Variants in CAPN15 observed in about 807,000 individuals in gnomAD.
The protein encoded by CAPN15 is calpain 15.
A neutral mutation model predicts 97.9 loss-of-function variants in CAPN15; 53 were observed. The observed-to-expected ratio is 0.54, with a 90% CI of 0.43 to 0.68. CAPN15 has a LOEUF of 0.68. Ranked by LOEUF, CAPN15 falls within the 30% of genes least tolerant of loss-of-function variation. The probability of loss-of-function intolerance (pLI) is 0.00; values close to 1 mark genes in which losing one functional copy is unlikely to be tolerated. For synonymous variants in CAPN15, 922 were observed against 722.5 expected (o/e 1.28, Z -4.43); for missense variants, 1,592 against 1,589.8 (o/e 1.00, Z -0.02).
Position 552,595 on chromosome 16 carries a change from G to T in CAPN15, c.2738-10G>T. 2 of 1,543,448 alleles carry T rather than the reference G, an allele frequency of 1.3e-6. No individual in the cohort carries two copies. The highest frequency in any genetic ancestry group is 8.7e-7 in the Non-Finnish European group (1 of 1,147,582). ...GGGGAGGGCTGCGGTTCACACGCCCGTCCTTGTAGCCTCCAGCCCCTCGGC... is the reference window on the plus strand; with the variant it reads ...GGGGAGGGCTGCGGTTCACACGCCCTTCCTTGTAGCCTCCAGCCCCTCGGC... On this transcript the variant is annotated splice_polypyrimidine_tract_variant and intron_variant, in intron 11 of 13. Transcript: ENST00000219611. The surrounding 1 kb of genome is among the most constrained non-coding windows in gnomAD (Gnocchi z 6.4).
chr16:548,560 C>G (rs530725068), intron 4 of CAPN15, among the ~76,000 whole-genome samples: 3 of 152,382 alleles, frequency 2.0e-5, no homozygotes, highest in Admixed American at 1.3e-4. Context: ...CGAGCCCCGT[C>G]TGATGTGCCG....
chr16:543,540 C>G (rs1179207340), intron 3 of CAPN15, among the ~76,000 whole-genome samples: 1 of 152,180 alleles, frequency 6.6e-6, no homozygotes, highest in East Asian at 1.9e-4. Flanking sequence ...TGGCCCTCCC[C>G]TGGGTCGGCA....
At chr16:538,802 T>C (rs1416552301) in intron 3 of CAPN15, 2 of 152,082 alleles carry the variant, frequency 1.3e-5, no homozygotes, top group Non-Finnish European at 2.9e-5. Flanking sequence ...GAGCACTGAC[T>C]GGAAAGGCCC....
At chr16:543,717 C>T (rs2034318532) in intron 3 of CAPN15, among the ~76,000 whole-genome samples, 1 of 152,190 alleles carries the variant, frequency 6.6e-6, no homozygotes, top group Non-Finnish European at 1.5e-5. Flanking sequence ...GCTGGGCCTC[C>T]ACACGCGGAG....
rs199921802 is a variant in CAPN15, at chr16:547,257, C to T, written c.419C>T (p.Ala140Val). Residue 140 changes from alanine to valine, a missense_variant, in exon 4 of 14, where the codon GCG becomes GTG. This residue lies in a region of CAPN15 where 883 missense variants were observed against 776.6 expected (regional missense o/e 1.14). Transcript: ENST00000219611. The stretch of plus-strand genomic sequence containing the variant: ...GAGGAGCAGGAGGAGGAGGAGGGAG[C>T]GGCGGAGCCCAGAGGGGGCTGGGCG... ...EKEEQEEEEG[A>V]AEPRGGWACP... 4.3e-4 allele frequency: 642 copies of T among 1,508,674 alleles called. 3 individuals are homozygous for T. The African/African-American group carries it at 7.8e-3, about 18-fold the overall frequency. The allele number at this position is 1,508,674 out of a possible 1,614,324, so 93.5% of individuals were successfully genotyped here.
In CAPN15 at chr16:548,062, C is replaced by A; in HGVS notation, c.1224C>A (p.Val408=). 6.5e-7 allele frequency: 1 copy of A among 1,546,412 alleles called. No individual in the cohort carries two copies. Among genetic ancestry groups the A allele is most frequent in the Non-Finnish European group, 8.7e-7 (1 of 1,146,758 alleles). The part of the protein sequence containing the change: ...RVSSAQKAAR[V]LPERPGQWAC... ...CCTCGGCCCAGAAGGCCGCCCGCGT[C>A]CTGCCCGAGCGCCCGGGCCAGTGGG... The change falls in exon 4 of 14, where the codon GTC becomes GTA. Residue 408 remains valine, a synonymous_variant. Coordinates refer to ENST00000219611, the MANE Select transcript of CAPN15 (RefSeq NM_005632.3).
At chr16:530,337 G>A (rs2033163147) in intron 1 of CAPN15, among the ~76,000 whole-genome samples, 1 of 152,222 alleles carries the variant, frequency 6.6e-6, no homozygotes, top group South Asian at 2.1e-4. Context: ...CGCAGAGCAG[G>A]CGGTCAGTGA....
chr16:534,125 C>T (rs2033476814), intron 2 of CAPN15, 127 bp downstream of exon 2: 2 of 165,624 alleles, frequency 1.2e-5, no homozygotes, highest in African/African-American at 2.5e-4. Context: ...TCACAGAACC[C>T]CTGGAGGCCG....
chr16:529,595 A>G (rs1185281966), intron 1 of CAPN15, among the ~76,000 whole-genome samples: 1 of 152,224 alleles, frequency 6.6e-6, no homozygotes, highest in Non-Finnish European at 1.5e-5. Flanking sequence ...GGTGTTGTTC[A>G]TGGGCCTGAG....
rs2035206648 is a variant in CAPN15, at chr16:552,941, A to G, written c.2983A>G (p.Lys995Glu). The change falls in exon 13 of 14, where the codon AAG (lysine) becomes GAG (glutamate). Residue 995 changes from lysine to glutamate, a missense_variant. By Grantham distance (56) the Lys-to-Glu change is moderately conservative. Transcript: ENST00000219611. This position sits in a 1 kb window ranked among gnomAD's most constrained non-coding sequence, Gnocchi z 6.4. ...LIVVVENRHP[K>E]AYLHVQCDCT... is the part of the protein sequence containing the mutation. ...CGTGGTGGTGGAGAACCGACACCCC[A>G]AGGCCTACCTGCACGTGCAGTGTGA... The G allele has an allele frequency of 6.2e-7, 1 of 1,611,612 alleles. No individual in the cohort carries two copies. Among genetic ancestry groups the G allele is most frequent in the Admixed American group, 1.7e-5 (1 of 59,924 alleles).
intron 3 of CAPN15, among the ~76,000 whole-genome samples, chr16:543,063 C>T (rs1015950946): frequency 2.6e-5 from 4 of 151,904 alleles, no homozygotes; most frequent in African/African-American, 9.7e-5. Context: ...AATAAAAATA[C>T]AAACCCTGAG....
In CAPN15 at chr16:540,216, C is replaced by T. The variant is rs531343554; in HGVS notation, c.-23+4074C>T. 107 of 985,494 alleles carry T rather than the reference C, an allele frequency of 1.1e-4. No homozygotes were observed. The African/African-American group carries it at 1.6e-3, about 14-fold the overall frequency. 61.0% of individuals were successfully genotyped at this position (985,494 alleles called of 1,614,324 possible). ...TGGGGAGCTCCGCCTCCTCCCTGGC[C>T]GCAGAGACCGAGTCGGACCACAGCT... is the stretch of plus-strand genomic sequence containing the variant. On this transcript the variant is annotated intron_variant, in intron 3 of 13. Transcript: ENST00000219611.
rs779926004 is a variant in CAPN15 at position 546,836 on chromosome 16, T to C, written c.-3T>C. 5 of 1,598,472 alleles carry C rather than the reference T, an allele frequency of 3.1e-6. No individual in the cohort carries two copies. In the South Asian group the frequency reaches 3.3e-5, roughly 11 times the overall value. On this transcript the variant is annotated 5_prime_UTR_variant, in exon 4 of 14. Coordinates refer to ENST00000219611, the MANE Select transcript of CAPN15 (RefSeq NM_005632.3). ...TTGCAGCCACACCCACTCGCCCGGG[T>C]CTATGGCCACGGTCGGAGAGTGGTC... is the stretch of plus-strand genomic sequence containing the variant.
At chr16:551,899 C>G in intron 9 of CAPN15, 152 bp from the exon 10 acceptor site, 1 of 1,008,870 alleles carries the variant, frequency 9.9e-7, no homozygotes, top group Non-Finnish European at 1.5e-6. Flanking sequence ...TTATAGGCCT[C>G]AGGGATGGGC....
rs1191080719 is a variant in CAPN15 at position 553,991 on chromosome 16, C to T, written c.*475C>T. 1.6e-5 allele frequency: 3 copies of T among 183,928 alleles called. No individual in the cohort carries two copies. Among genetic ancestry groups the T allele is most frequent in the South Asian group, 2.7e-4 (2 of 7,404 alleles). The allele number at this position is 183,928 out of a possible 1,614,324, so 11.4% of individuals were successfully genotyped here. On this transcript the variant is annotated 3_prime_UTR_variant, in exon 14 of 14. Coordinates refer to ENST00000219611, the MANE Select transcript of CAPN15 (RefSeq NM_005632.3). ...GGGTCCCTGTCCCCCACAGGGCAGG[C>T]GGGGTCCCTGGAGCCCTGGTGTGGA...
chr16:542,794 C>T (rs981375221), intron 3 of CAPN15, among the ~76,000 whole-genome samples: 3 of 152,142 alleles, frequency 2.0e-5, no homozygotes, highest in African/African-American at 7.2e-5. Flanking sequence ...TAGCTCACGC[C>T]TGTAATCCCA....
chr16:550,882 T>C (rs1268321063), intron 7 of CAPN15, among the ~76,000 whole-genome samples: 2 of 101,200 alleles, frequency 2.0e-5, no homozygotes, highest in Admixed American at 1.0e-4. Context: ...GGGTCCCCTG[T>C]CGGTGAGGTC....
Position 549,641 on chromosome 16 carries a change from C to A in CAPN15, c.1869C>A (p.Ala623=). Residue 623 remains alanine, a synonymous_variant, in exon 7 of 14, where the codon GCC becomes GCA. Coordinates refer to ENST00000219611, the MANE Select transcript of CAPN15 (RefSeq NM_005632.3). ...SQAQRKQLWV[A]LIEKALAKLH... Reference sequence around the variant, plus strand: ...CGCAGCGGAAGCAGCTGTGGGTGGCCCTCATCGAGAAGGCGCTGGCCAAGC... The same window carrying A: ...CGCAGCGGAAGCAGCTGTGGGTGGCACTCATCGAGAAGGCGCTGGCCAAGC... 1 of 1,553,846 alleles carries A rather than the reference C, an allele frequency of 6.4e-7. No homozygotes were observed. Among genetic ancestry groups the A allele is most frequent in the East Asian group, 2.4e-5 (1 of 41,642 alleles).
At chr16:548,730 G>A (rs1422481836) in intron 4 of CAPN15, among the ~76,000 whole-genome samples, 1 of 152,216 alleles carries the variant, frequency 6.6e-6, no homozygotes, top group East Asian at 1.9e-4. Context: ...CCAGAGTCGT[G>A]CTGCCACCCA....
Sources: gnomAD v4.1 joint callset for allele counts (sites outside exome capture counted in the v4.1 genomes callset) on GRCh38, gnomAD v4.1.1 for gene constraint, gnomAD v4.1.1 regional missense constraint, Gnocchi (gnomAD v3.1) non-coding constraint, MANE v1.5 for transcripts, NCBI Gene and HGNC (gene_info 2026-07-23, HGNC 2026-07-21) for gene names.